Variants in TRHDE observed in about 807,000 individuals in gnomAD.
TRHDE encodes thyrotropin-releasing hormone-degrading ectoenzyme.
In TRHDE, 72 loss-of-function variants were observed where a neutral mutation model predicts 125.7. The ratio of observed to expected loss-of-function variants is 0.57; its 90% confidence interval spans 0.47 to 0.70. The LOEUF (loss-of-function observed/expected upper bound fraction) is 0.70. Among genes scored for constraint, TRHDE ranks in the 30% least tolerant of loss-of-function variants. TRHDE has a pLI of 0.00. For synonymous variants in TRHDE, 509 were observed against 509.1 expected (o/e 1.00, Z 0.00); for missense variants, 1,110 against 1,327.1 (o/e 0.84, Z 2.54).
chr12:72,325,221 G>T (rs904057319), intron 2 of TRHDE, among the ~76,000 whole-genome samples: 36 of 151,192 alleles, frequency 2.4e-4, no homozygotes, highest in Non-Finnish European at 4.3e-4. Flanking sequence ...GTTATTTTTT[G>T]AGGGCTTAAT....
At chr12:72,611,663 A>T (rs1275124095) in intron 12 of TRHDE, among the ~76,000 whole-genome samples, 1 of 152,176 alleles carries the variant, frequency 6.6e-6, no homozygotes, top group Non-Finnish European at 1.5e-5. Context: ...AGAGGGAAAA[A>T]TCTAGATCTT....
At chr12:72,427,051 T>C (rs191826230) in intron 3 of TRHDE, among the ~76,000 whole-genome samples, 13 of 152,224 alleles carry the variant, frequency 8.5e-5, no homozygotes, top group Admixed American at 7.9e-4. Flanking sequence ...CAAATTATAT[T>C]ATCTGGGCTC....
In TRHDE at chr12:72,422,393, T is replaced by C. The variant is rs1008128047; in HGVS notation, c.1315+44272T>C. 3.7e-4 allele frequency among the ~76,000 whole-genome samples: 57 copies of C among 152,172 alleles called. 4 individuals carry two copies. The highest frequency in any genetic ancestry group is 8.8e-5 in the Non-Finnish European group (6 of 68,038). On this transcript the variant is annotated intron_variant, in intron 3 of 18. Transcript: ENST00000261180. The stretch of plus-strand genomic sequence containing the variant: ...TCATTAGCTGTGAAAGAAAAGATAC[T>C]GTGTTCTGGTTTATGCAGTGTCAAG...
At chr12:72,373,265 G>A (rs1871700131) in intron 2 of TRHDE, among the ~76,000 whole-genome samples, 1 of 152,158 alleles carries the variant, frequency 6.6e-6, no homozygotes, top group African/African-American at 2.4e-5. Flanking sequence ...TGCTGAAGTT[G>A]CTTATCAGCT....
At chr12:72,119,469 T>A (rs1397519339) in intron 2 of TRHDE, among the ~76,000 whole-genome samples, 4 of 152,214 alleles carry the variant, frequency 2.6e-5, no homozygotes, top group Non-Finnish European at 5.9e-5. Flanking sequence ...TGGTCTATCT[T>A]TGAGAATTAT....
intron 2 of TRHDE, among the ~76,000 whole-genome samples, chr12:72,165,066 A>C (rs575770997): frequency 6.6e-6 from 1 of 152,300 alleles, no homozygotes; most frequent in East Asian, 1.9e-4. Context: ...CTAAAAACTC[A>C]AGGTCTGTGA....
chr12:72,238,289 T>C (rs1164335589), intron 2 of TRHDE, among the ~76,000 whole-genome samples: 1 of 27,178 alleles, frequency 3.7e-5, no homozygotes, highest in African/African-American at 1.3e-4. Flanking sequence ...TATATATATA[T>C]ATATATATAT....
chr12:72,410,459 G>T (rs1007892766), intron 3 of TRHDE, among the ~76,000 whole-genome samples: 1 of 151,854 alleles, frequency 6.6e-6, no homozygotes, highest in Non-Finnish European at 1.5e-5. Flanking sequence ...TAAAATCATA[G>T]GTCTTTCTCA....
intron 6 of TRHDE, among the ~76,000 whole-genome samples, chr12:72,504,172 A>G (rs576263708): frequency 4.6e-5 from 7 of 152,350 alleles, no homozygotes; most frequent in African/African-American, 1.4e-4. Flanking sequence ...AGCTCAGAAA[A>G]GAAAACTGGT....
chr12:72,463,399 T>C (rs991293727), intron 3 of TRHDE, among the ~76,000 whole-genome samples: 1 of 152,142 alleles, frequency 6.6e-6, no homozygotes, highest in Non-Finnish European at 1.5e-5. Flanking sequence ...AACTGATAAG[T>C]TTGAGTGTGG....
intron 2 of TRHDE, among the ~76,000 whole-genome samples, chr12:72,174,609 A>G (rs938478870): frequency 1.3e-5 from 2 of 151,854 alleles, no homozygotes; most frequent in Non-Finnish European, 2.9e-5. Flanking sequence ...CATGGATGAT[A>G]TGTTTGGATA....
At chr12:72,254,010 G>T (rs1200965078) in intron 2 of TRHDE, 1 of 151,934 alleles carries the variant, frequency 6.6e-6, no homozygotes, top group African/African-American at 2.4e-5. Flanking sequence ...AATTAAGTAT[G>T]AATTCTTAAT....
intron 5 of TRHDE, among the ~76,000 whole-genome samples, chr12:72,492,271 A>G (rs915302250): frequency 7.2e-5 from 11 of 151,974 alleles, no homozygotes; most frequent in Admixed American, 7.2e-4. Context: ...TAAATTATTT[A>G]CTAGTCAGCT....
At chr12:72,496,890 G>T (rs1053793328) in intron 5 of TRHDE, among the ~76,000 whole-genome samples, 1 of 152,032 alleles carries the variant, frequency 6.6e-6, no homozygotes, top group African/African-American at 2.4e-5. Context: ...TAGTGACACA[G>T]GTCTTTATAA....
At chr12:72,334,315 T>A (rs1869734358) in intron 2 of TRHDE, among the ~76,000 whole-genome samples, 2 of 152,248 alleles carry the variant, frequency 1.3e-5, no homozygotes, top group African/African-American at 4.8e-5. Flanking sequence ...CGATTCTTCA[T>A]GATAGAACAG....
chr12:72,269,476 A>G (rs991881334), upstream of TRHDE, among the ~76,000 whole-genome samples: 1 of 152,228 alleles, frequency 6.6e-6, no homozygotes, highest in Non-Finnish European at 1.5e-5. Context: ...TAAATGTATT[A>G]TTTAATTCTG....
At chr12:72,229,575 A>G (rs1400289023) in intron 2 of TRHDE, among the ~76,000 whole-genome samples, 1 of 152,232 alleles carries the variant, frequency 6.6e-6, no homozygotes, top group Non-Finnish European at 1.5e-5. Context: ...AGATCATGTC[A>G]GACATTGAAT....
rs575374610 is a variant in TRHDE, at chr12:72,432,507, A to G, written c.1316-37251A>G. On this transcript the variant is annotated intron_variant, in intron 3 of 18. Coordinates refer to ENST00000261180, the MANE Select transcript of TRHDE (RefSeq NM_013381.3). ...TCCTTGCCGTCTGCCTCAGGGTTATAGGACAGCTGCCTTCAGCTATTCTCC... is the reference window on the plus strand; with the variant it reads ...TCCTTGCCGTCTGCCTCAGGGTTATGGGACAGCTGCCTTCAGCTATTCTCC... 2.0e-5 allele frequency among the ~76,000 whole-genome samples: 3 copies of G among 152,264 alleles called. No homozygotes were observed. In the South Asian group the frequency reaches 6.2e-4, roughly 32 times the overall value.
chr12:72,333,334 A>C (rs889712951), intron 2 of TRHDE, among the ~76,000 whole-genome samples: 4 of 152,248 alleles, frequency 2.6e-5, no homozygotes, highest in African/African-American at 9.6e-5. Flanking sequence ...TAAAAACAAT[A>C]AGGAAATATA....
Sources: allele counts gnomAD v4.1 joint callset (sites outside exome capture counted in the v4.1 genomes callset), GRCh38; gene constraint gnomAD v4.1.1; transcripts MANE v1.5; gene names NCBI Gene and HGNC (gene_info 2026-07-23, HGNC 2026-07-21).